The following TEK variants were observed in gnomAD, a reference collection of about 807,000 sequenced individuals.
TEK encodes angiopoietin-1 receptor.
TEK carries 43 observed loss-of-function variants against 131.8 expected under a neutral mutation model. The ratio of observed to expected loss-of-function variants is 0.33; its 90% CI spans 0.26 to 0.42. TEK has a LOEUF of 0.42. TEK is among the 10% of genes least tolerant of loss of function. The pLI is 1.00. For synonymous variants in TEK, 580 were observed against 491.6 expected (o/e 1.18, Z -2.38); for missense variants, 1,162 against 1,384.4 (o/e 0.84, Z 2.55).
At chr9:27,113,599 TAAAA>T (rs1821433583) in intron 1 of TEK, among the ~76,000 whole-genome samples, 1 of 151,780 alleles carries the variant, frequency 6.6e-6, no homozygotes, top group Non-Finnish European at 1.5e-5. Flanking sequence ...TAAAATAAAA[TAAAA>T]TAAAATAAAT....
chr9:27,114,119 T>C (rs1287848190), intron 1 of TEK, among the ~76,000 whole-genome samples: 1 of 152,258 alleles, frequency 6.6e-6, no homozygotes, highest in African/African-American at 2.4e-5. Flanking sequence ...TCACAACAGA[T>C]ATTATTTCTT....
intron 20 of TEK, among the ~76,000 whole-genome samples, 179 bp downstream of exon 20, chr9:27,218,996 C>T (rs1178365128): frequency 6.7e-6 from 1 of 148,804 alleles, no homozygotes; most frequent in East Asian, 2.0e-4. Context: ...AGCCTTATAC[C>T]TAACGTCATA....
intron 1 of TEK, among the ~76,000 whole-genome samples, chr9:27,123,695 T>C (rs567745393): frequency 6.6e-6 from 1 of 152,358 alleles, no homozygotes; most frequent in Admixed American, 6.5e-5. Context: ...TTTAACCTGC[T>C]CATTTTACAG....
chr9:27,229,186 A>G lies in TEK; in HGVS notation c.3329A>G (p.Lys1110Arg), dbSNP rs779823718. 5.0e-6 allele frequency: 8 copies of G among 1,613,870 alleles called. No individual in the cohort carries two copies. The highest frequency in any genetic ancestry group is 6.8e-6 in the Non-Finnish European group (8 of 1,179,758). ...TACGTGAATACCACGCTTTATGAGA[A>G]GTTTACTTATGCAGGAATTGACTGT... is the stretch of plus-strand genomic sequence containing the variant. ...KTYVNTTLYEKFTYAGIDCSA... is the reference protein window; with the variant it reads ...KTYVNTTLYERFTYAGIDCSA... The change falls in exon 23 of 23, where the codon AAG (lysine) becomes AGG (arginine). Residue 1110 changes from lysine to arginine, a missense_variant. Lys to Arg is a conservative substitution (Grantham distance 26, BLOSUM62 2). Transcript: ENST00000380036.
At chr9:27,212,673 A>T in intron 16 of TEK, 34 bp from the exon 17 acceptor site, 1 of 1,611,736 alleles carries the variant, frequency 6.2e-7, no homozygotes, top group Non-Finnish European at 8.5e-7. Flanking sequence ...GTTCAGGGCC[A>T]CTGATGAGTC....
Position 27,213,825 on chromosome 9 carries a change from T to C in TEK, c.2991+228T>C, listed in dbSNP as rs939668404. ...GAAGGCACTGTCATGTGTGACCAAG[T>C]GATTGAATGTTCAAACCTAGTGGTT... On this transcript the variant is annotated intron_variant, in intron 18 of 22. Transcript: ENST00000380036. 2.0e-5 allele frequency among the ~76,000 whole-genome samples: 3 copies of C among 152,252 alleles called. No homozygotes were observed. In the South Asian group the frequency reaches 6.2e-4, roughly 31 times the overall value.
intron 1 of TEK, among the ~76,000 whole-genome samples, chr9:27,122,402 C>T (rs1411120347): frequency 1.3e-5 from 2 of 152,072 alleles, no homozygotes; most frequent in African/African-American, 4.8e-5. Flanking sequence ...GCATTCTAGG[C>T]AGAGGGGAAA....
chr9:27,211,293 TATTTTAAAATA>T (rs201491224), intron 16 of TEK, among the ~76,000 whole-genome samples: 3 of 149,964 alleles, frequency 2.0e-5, no homozygotes, highest in East Asian at 1.9e-4. Flanking sequence ...ATATTTAAAT[TATTTTAAAATA>T]ATTCAGTAAA....
chr9:27,143,282 C>G (rs539605712), intron 1 of TEK, among the ~76,000 whole-genome samples: 1 of 152,148 alleles, frequency 6.6e-6, no homozygotes, highest in African/African-American at 2.4e-5. Context: ...TCAACAGAGA[C>G]GGAGCTGGGA....
At chr9:27,133,305 A>G (rs1822291521) in intron 1 of TEK, among the ~76,000 whole-genome samples, 1 of 152,234 alleles carries the variant, frequency 6.6e-6, no homozygotes, top group African/African-American at 2.4e-5. Flanking sequence ...TAGGATCATT[A>G]AATAGTTGGA....
chr9:27,206,779 C>A lies in TEK; in HGVS notation c.2562C>A (p.Ile854=). Residue 854 remains isoleucine, a synonymous_variant, in exon 15 of 23, where the codon ATC becomes ATA. Coordinates refer to ENST00000380036, the MANE Select transcript of TEK (RefSeq NM_000459.5). ...ATGGGTTACGGATGGATGCTGCCAT[C>A]AAAAGAATGAAAGGTCAGTGGTTGA... is the stretch of plus-strand genomic sequence containing the variant. The part of the protein sequence containing the change: ...KKDGLRMDAA[I]KRMKEYASKD... 6.2e-7 allele frequency: 1 copy of A among 1,613,904 alleles called. No individual in the cohort carries two copies. The highest frequency in any genetic ancestry group is 1.1e-5 in the South Asian group (1 of 91,032).
intron 12 of TEK, among the ~76,000 whole-genome samples, chr9:27,198,132 G>C (rs555702982): frequency 6.6e-6 from 1 of 152,104 alleles, no homozygotes; most frequent in African/African-American, 2.4e-5. Flanking sequence ...GAATTTCTTG[G>C]GTTTCTTTGT....
Position 27,197,083 on chromosome 9 carries a change from T to C in TEK, c.1625-232T>C, listed in dbSNP as rs181093109. Reference sequence around the variant, plus strand: ...GAACATCACACACTGGGGCCTGTTATATACTTTCAAATGACCAGATTTCAT... The same window carrying C: ...GAACATCACACACTGGGGCCTGTTACATACTTTCAAATGACCAGATTTCAT... On this transcript the variant is annotated intron_variant, in intron 11 of 22. Coordinates refer to ENST00000380036, the MANE Select transcript of TEK (RefSeq NM_000459.5). Among the ~76,000 whole-genome samples, 9 of 140,648 alleles carry C rather than the reference T, an allele frequency of 6.4e-5. 1 individual carries two copies. The highest frequency in any genetic ancestry group is 2.1e-4 in the African/African-American group (8 of 37,782). 92.3% of individuals were successfully genotyped at this position (140,648 alleles called of 152,430 possible).
intron 7 of TEK, among the ~76,000 whole-genome samples, chr9:27,181,660 C>T (rs1404758022): frequency 3.3e-5 from 5 of 152,204 alleles, no homozygotes; most frequent in South Asian, 4.2e-4. Flanking sequence ...TATAGTATGT[C>T]GTCTGTGGCT....
chr9:27,182,271 C>T (rs1179589263), intron 7 of TEK, among the ~76,000 whole-genome samples: 1 of 152,170 alleles, frequency 6.6e-6, no homozygotes, highest in Non-Finnish European at 1.5e-5. Context: ...CCAGATTCCA[C>T]TTTAGCCCAG....
In TEK at chr9:27,206,430, T is replaced by C. The variant is rs1045369587; in HGVS notation, c.2365-152T>C. The C allele has an allele frequency of 2.8e-5, 26 of 928,652 alleles. No homozygotes were observed. The African/African-American group carries it at 4.1e-4, about 15-fold the overall frequency. 57.5% of individuals were successfully genotyped at this position (928,652 alleles called of 1,614,324 possible). A position where few individuals can be genotyped will look rare whatever the true frequency, so the allele number is the denominator to read the frequency against. Reference sequence around the variant, plus strand: ...GTGGGCAGCTGGTTTATCAGGGCAGTCCTGTGTGATGAAAACCTATTTCCC... The same window carrying C: ...GTGGGCAGCTGGTTTATCAGGGCAGCCCTGTGTGATGAAAACCTATTTCCC... On this transcript the variant is annotated intron_variant, in intron 14 of 22. Coordinates refer to ENST00000380036, the MANE Select transcript of TEK (RefSeq NM_000459.5).
Position 27,225,593 on chromosome 9 carries a change from A to G in TEK, c.3201-2613A>G, listed in dbSNP as rs1293904436. On this transcript the variant is annotated intron_variant, in intron 21 of 22. Transcript: ENST00000380036. ...ACACCTTATAAAAAATTAACTCGAG[A>G]TGGATTAAAGACAAACGTAAAATCT... Among the ~76,000 whole-genome samples, 33 of 152,216 alleles carry G rather than the reference A, an allele frequency of 2.2e-4. 1 individual carries two copies. Among genetic ancestry groups the G allele is most frequent in the Admixed American group, 2.0e-3 (31 of 15,274 alleles).
chr9:27,175,665 T>G (rs1233072886), intron 6 of TEK, among the ~76,000 whole-genome samples: 1 of 152,104 alleles, frequency 6.6e-6, no homozygotes, highest in Admixed American at 6.5e-5. Flanking sequence ...TCCTGACTTT[T>G]TAATGATCGC....
Position 27,202,922 on chromosome 9 carries a change from C to A in TEK, c.2012C>A (p.Thr671Asn). ...ILDGYSISSI[T>N]IRYKVQGKNE... ...GATGGCTATTCTATTTCTTCTATTA[C>A]TATCCGTTACAAGGTTCAAGGCAAG... Residue 671 changes from threonine (T) to asparagine (N), a missense_variant, in exon 13 of 23, where the codon ACT becomes AAT. Thr to Asn is a moderately conservative substitution (Grantham distance 65, BLOSUM62 0). Coordinates refer to ENST00000380036, the MANE Select transcript of TEK (RefSeq NM_000459.5). The A allele has an allele frequency of 1.2e-6, 2 of 1,614,124 alleles. No individual in the cohort carries two copies. The highest frequency in any genetic ancestry group is 2.2e-5 in the East Asian group (1 of 44,872).
Sources: allele counts gnomAD v4.1 joint callset (sites outside exome capture counted in the v4.1 genomes callset), GRCh38; gene constraint gnomAD v4.1.1; transcripts MANE v1.5; gene names NCBI Gene and HGNC (gene_info 2026-07-23, HGNC 2026-07-21).